Variants in SYMPK observed in about 807,000 individuals in gnomAD.
The protein encoded by SYMPK is symplekin.
SYMPK carries 49 observed loss-of-function variants against 136.4 expected under a neutral mutation model. The observed-to-expected ratio is 0.36, with a 90% CI of 0.29 to 0.46. The LOEUF is 0.46. Among genes scored for constraint, SYMPK ranks in the 20% least tolerant of loss-of-function variants. The probability of loss-of-function intolerance (pLI) is 1.00; values close to 1 mark genes in which losing one functional copy is unlikely to be tolerated. For synonymous variants in SYMPK, 766 were observed against 713.0 expected (o/e 1.07, Z -1.19); for missense variants, 1,365 against 1,690.0 (o/e 0.81, Z 3.37).
chr19:45,815,519 C>CCCCCCCCGGG lies in SYMPK; in HGVS notation c.*40_*41insCCCGGGGGGG. ...GGTCAAGCCCCGCCCCGTCCCCCAG[C>CCCCCCCCGGG]CCCGAGTCCCTGTCCCACCCCCTTT... On this transcript the variant is annotated 3_prime_UTR_variant, in exon 27 of 27. Coordinates refer to ENST00000245934, the MANE Select transcript of SYMPK (RefSeq NM_004819.3). The CCCCCCCCGGG allele has an allele frequency of 7.4e-7, 1 of 1,345,652 alleles. No individual in the cohort carries two copies. The highest frequency in any genetic ancestry group is 1.0e-6 in the Non-Finnish European group (1 of 1,003,100). The allele number at this position is 1,345,652 out of a possible 1,614,324, so 83.4% of individuals were successfully genotyped here. A position where few individuals can be genotyped will look rare whatever the true frequency, so the allele number is the denominator to read the frequency against.
chr19:45,816,012 G>A lies in SYMPK; in HGVS notation c.3526C>T (p.Pro1176Ser). ...GGGGGCGGGCCTGGCCGGGCCGACG[G>A]AGAGGGAGAGGGGGAGGAAGAGGAG... ...APSSSSPSPS[P>S]SARPGPPPSE... Residue 1176 changes from proline (P) to serine (S), a missense_variant, in exon 26 of 27, where the codon CCG becomes TCG. Physicochemically the swap from Pro to Ser is moderately conservative, Grantham distance 74. Transcript: ENST00000245934. The A allele has an allele frequency of 3.1e-6, 5 of 1,597,026 alleles. No individual in the cohort carries two copies. The highest frequency in any genetic ancestry group is 3.4e-6 in the Non-Finnish European group (4 of 1,172,160).
chr19:45,821,529 C>A lies in SYMPK; in HGVS notation c.2792-44G>T. 1 of 1,389,670 alleles carries A rather than the reference C, an allele frequency of 7.2e-7. No homozygotes were observed. Among genetic ancestry groups the A allele is most frequent in the Non-Finnish European group, 1.0e-6 (1 of 983,174 alleles). The allele number at this position is 1,389,670 out of a possible 1,614,324, so 86.1% of individuals were successfully genotyped here. A position where few individuals can be genotyped will look rare whatever the true frequency, so the allele number is the denominator to read the frequency against. ...AGGGTGGGGGAAGACAGTGCGGACG[C>A]ATAAGTGAAGAGATGGGTCTGAGTT... is the stretch of plus-strand genomic sequence containing the variant. On this transcript the variant is annotated intron_variant, in intron 21 of 26. Transcript: ENST00000245934. The surrounding 1 kb of genome is among the most constrained non-coding windows in gnomAD (Gnocchi z 4.4).
chr19:45,825,118 G>C (rs918327346), intron 18 of SYMPK, 53 bp downstream of exon 18: 1 of 1,581,044 alleles, frequency 6.3e-7, no homozygotes, highest in African/African-American at 1.3e-5. Context: ...CTGGAGCTGG[G>C]GACACAGCCT....
chr19:45,840,429 G>T (rs570889622), intron 9 of SYMPK, among the ~76,000 whole-genome samples: 3 of 151,156 alleles, frequency 2.0e-5, no homozygotes, highest in African/African-American at 7.3e-5. Flanking sequence ...TTTAGGAGGC[G>T]AAGGCAGGCA....
intron 20 of SYMPK, 23 bp from the exon 21 acceptor site, chr19:45,822,869 G>A (rs1303984043): frequency 1.3e-6 from 2 of 1,583,308 alleles, no homozygotes; most frequent in East Asian, 2.2e-5. Flanking sequence ...GGTGGTGGGG[G>A]TGGGAGTTGA....
At chr19:45,835,397 G>C (rs1017717886) in intron 10 of SYMPK, among the ~76,000 whole-genome samples, 169 bp from the exon 11 acceptor site, 6 of 152,204 alleles carry the variant, frequency 3.9e-5, no homozygotes, top group African/African-American at 1.4e-4. Flanking sequence ...TAATTATATA[G>C]TGTAGTGCTT....
intron 1 of SYMPK, among the ~76,000 whole-genome samples, chr19:45,857,388 C>G (rs1236582235): frequency 9.3e-6 from 1 of 107,688 alleles, no homozygotes; most frequent in Non-Finnish European, 1.7e-5. Context: ...CGAGCCTGGG[C>G]GACAGAGTGA....
intron 10 of SYMPK, among the ~76,000 whole-genome samples, chr19:45,836,796 G>A (rs1971312029): frequency 6.6e-6 from 1 of 151,994 alleles, no homozygotes; most frequent in Non-Finnish European, 1.5e-5. Flanking sequence ...ATGCCACCAT[G>A]CCCGGCTAAT....
chr19:45,827,976 G>A, intron 14 of SYMPK, 58 bp from the exon 15 acceptor site: 1 of 1,546,636 alleles, frequency 6.5e-7, no homozygotes, highest in Non-Finnish European at 8.9e-7. Flanking sequence ...TGGCTCCCGG[G>A]CCCTGCTGAA....
chr19:45,844,484 C>G lies in SYMPK; in HGVS notation c.677-284G>C, dbSNP rs142112128. 6.6e-3 allele frequency among the ~76,000 whole-genome samples: 1,002 copies of G among 152,176 alleles called. 5 individuals are homozygous for G. Among genetic ancestry groups the G allele is most frequent in the South Asian group, 0.025 (119 of 4,814 alleles). ...GGTCAGGAGTTCAAGACCAGCCTGG[C>G]CAACATGGTAAAACCCCGTCTCTAC... On this transcript the variant is annotated intron_variant, in intron 7 of 26. Transcript: ENST00000245934.
chr19:45,846,896 C>T (rs185028745), intron 7 of SYMPK, among the ~76,000 whole-genome samples: 30 of 151,784 alleles, frequency 2.0e-4, no homozygotes, highest in Admixed American at 6.6e-4. Context: ...TGGGTTCAAG[C>T]GATTCTCGTG....
rs1361106748 is a variant in SYMPK at position 45,823,826 on chromosome 19, T to C, written c.2540A>G (p.Asn847Ser). 9.9e-6 allele frequency: 16 copies of C among 1,613,766 alleles called. No individual in the cohort carries two copies. The highest frequency in any genetic ancestry group is 1.4e-5 in the Non-Finnish European group (16 of 1,179,976). ...CAGTGTCTCTGCTCCCTTGGGACAA[T>C]TTTCCACCAGCAGGAGCAGCTCCGG... ...NSPELLLLVE[N>S]CPKGAETLVT... The change falls in exon 19 of 27, where the codon AAT becomes AGT. Residue 847 changes from asparagine to serine, a missense_variant. Transcript: ENST00000245934.
At chr19:45,831,297 ACACGCACACGCACACG>A in intron 12 of SYMPK, 71 bp downstream of exon 12, 1 of 1,097,654 alleles carries the variant, frequency 9.1e-7, no homozygotes, top group Non-Finnish European at 1.3e-6. Context: ...ACACACACGC[ACACGCACACGCACACG>A]CACACGAGCT....
At chr19:45,852,609 T>C (rs1971724002) in intron 3 of SYMPK, 74 bp from the exon 4 acceptor site, 5 of 1,563,114 alleles carry the variant, frequency 3.2e-6, no homozygotes, top group South Asian at 2.2e-5. Flanking sequence ...GACAGGAGAG[T>C]AGAGGGGAAG....
At chr19:45,855,905 G>C (rs1971811534) in intron 1 of SYMPK, 1 of 152,144 alleles carries the variant, frequency 6.6e-6, no homozygotes, top group Non-Finnish European at 1.5e-5. Context: ...TGAAGGCAGA[G>C]GCTGTAGTGA....
chr19:45,829,300 C>T, intron 13 of SYMPK, 95 bp from the exon 14 acceptor site: 1 of 1,098,278 alleles, frequency 9.1e-7, no homozygotes, highest in South Asian at 1.4e-5. Context: ...GACGCAGGAA[C>T]TCTCAGAGCA....
At chr19:45,839,407 CA>C (rs1971383461) in intron 9 of SYMPK, among the ~76,000 whole-genome samples, 1 of 152,106 alleles carries the variant, frequency 6.6e-6, no homozygotes, top group Non-Finnish European at 1.5e-5. Flanking sequence ...GTGAAATGCT[CA>C]AAACAAATTC....
chr19:45,862,149 C>T (rs1326557312), intron 1 of SYMPK: 2 of 152,114 alleles, frequency 1.3e-5, no homozygotes, highest in East Asian at 1.9e-4. Context: ...TTCATCATTT[C>T]CTTTTATCTA....
intron 9 of SYMPK, among the ~76,000 whole-genome samples, chr19:45,839,241 C>G (rs979644712): frequency 6.6e-6 from 1 of 152,126 alleles, no homozygotes; most frequent in African/African-American, 2.4e-5. Context: ...AATGTACACT[C>G]GGTACCTAAG....
Sources: gnomAD v4.1 joint callset for allele counts (sites outside exome capture counted in the v4.1 genomes callset) on GRCh38, gnomAD v4.1.1 for gene constraint, Gnocchi (gnomAD v3.1) non-coding constraint, MANE v1.5 for transcripts, NCBI Gene and HGNC (gene_info 2026-07-23, HGNC 2026-07-21) for gene names.